Variants in C3orf20 observed in about 807,000 individuals in gnomAD.
C3orf20 encodes the protein uncharacterized protein C3orf20.
C3orf20 carries 76 observed loss-of-function variants against 88.3 expected under a neutral mutation model. That is an observed-to-expected ratio of 0.86 (90% CI 0.72 to 1.04). C3orf20 has a LOEUF of 1.04. C3orf20 is among the 50% of genes least tolerant of loss of function. The pLI, the probability that C3orf20 is intolerant of heterozygous loss-of-function variation, is 0.00. For missense variants in C3orf20, 1,056 were observed against 1,123.3 expected, an observed-to-expected ratio of 0.94 and a Z score of 0.86; for synonymous variants, 436 against 437.4, an observed-to-expected ratio of 1.00 and a Z score of 0.04.
In C3orf20 at chr3:14,691,557, C is replaced by T. The variant is rs150640289; in HGVS notation, c.745+1441C>T. Among the ~76,000 whole-genome samples the T allele has an allele frequency of 2.2e-3, 329 of 152,290 alleles. 2 individuals carry two copies. Among genetic ancestry groups the T allele is most frequent in the African/African-American group, 7.6e-3 (317 of 41,552 alleles). ...GGTTTCAGTTACCCATGGTCAACTG[C>T]GGTCCAAAAATATTAAGATATTTTG... On this transcript the variant is annotated intron_variant, in intron 5 of 16. Transcript: ENST00000253697.
chr3:14,749,778 G>A (rs1249658086), intron 12 of C3orf20, among the ~76,000 whole-genome samples: 5 of 149,106 alleles, frequency 3.4e-5, no homozygotes, highest in East Asian at 2.0e-4. Context: ...TGTGGTTACC[G>A]TGGTGATTAT....
chr3:14,705,487 T>A (rs576462067), intron 7 of C3orf20, among the ~76,000 whole-genome samples: 76 of 152,222 alleles, frequency 5.0e-4, no homozygotes, highest in Non-Finnish European at 9.3e-4. Context: ...TAATAGACCA[T>A]TTGTACTTCA....
At chr3:14,745,989 A>C (rs1314984276) in intron 12 of C3orf20, among the ~76,000 whole-genome samples, 1 of 152,202 alleles carries the variant, frequency 6.6e-6, no homozygotes, top group East Asian at 1.9e-4. Flanking sequence ...TTAAACAGTC[A>C]CTTCCCATTC....
chr3:14,720,537 GT>G (rs2034116454), intron 9 of C3orf20, among the ~76,000 whole-genome samples: 1 of 6,024 alleles, frequency 1.7e-4, no homozygotes, highest in Non-Finnish European at 4.1e-4. Context: ...GAGAGTGGTT[GT>G]TGTTGTTGTT....
intron 12 of C3orf20, among the ~76,000 whole-genome samples, chr3:14,735,874 C>T (rs1472823071): frequency 6.6e-6 from 1 of 152,126 alleles, no homozygotes; most frequent in Non-Finnish European, 1.5e-5. Context: ...GGATTACAGA[C>T]GTGAGCCACT....
intron 15 of C3orf20, 120 bp downstream of exon 15, chr3:14,761,735 GGA>G: frequency 2.9e-6 from 3 of 1,019,452 alleles, no homozygotes; most frequent in Admixed American, 2.1e-5. Flanking sequence ...GATGGAGTGG[GGA>G]GGGGGGCTGG....
chr3:14,737,476 A>G (rs2034754450), intron 12 of C3orf20, among the ~76,000 whole-genome samples: 2 of 152,260 alleles, frequency 1.3e-5, no homozygotes, highest in African/African-American at 4.8e-5. Flanking sequence ...ACTATAGTCT[A>G]TTAAGTGTGC....
Position 14,764,480 on chromosome 3 carries a change from TTTATTA to T in C3orf20, c.2495+2889_2495+2894del, listed in dbSNP as rs374160361. Among the ~76,000 whole-genome samples, 70 of 148,746 alleles carry T rather than the reference TTTATTA, an allele frequency of 4.7e-4. 1 individual carries two copies. The highest frequency in any genetic ancestry group is 3.5e-3 in the East Asian group (18 of 5,082). On this transcript the variant is annotated intron_variant, in intron 15 of 16. Coordinates refer to ENST00000253697, the MANE Select transcript of C3orf20 (RefSeq NM_032137.5). ...TTTGTAGGATAAAACAACACAATCG[TTTATTA>T]TTATTATTATTATTATTATTATTGT...
At chr3:14,683,423 C>T (rs964474724) in intron 3 of C3orf20, among the ~76,000 whole-genome samples, 15 of 152,032 alleles carry the variant, frequency 9.9e-5, no homozygotes, top group Admixed American at 1.3e-4. Context: ...TAGGAATGTG[C>T]GAGGTCAGAG....
intron 3 of C3orf20, among the ~76,000 whole-genome samples, chr3:14,683,890 A>AG (rs2032248324): frequency 6.6e-6 from 1 of 151,546 alleles, no homozygotes; most frequent in Non-Finnish European, 1.5e-5. Context: ...AAAAAAAAAA[A>AG]AAAAAGAACC....
intron 15 of C3orf20, among the ~76,000 whole-genome samples, chr3:14,766,444 C>T (rs2035704099): frequency 6.6e-6 from 1 of 152,204 alleles, no homozygotes; most frequent in Non-Finnish European, 1.5e-5. Flanking sequence ...AAGCAGCCAG[C>T]AGTAGCCAGG....
At chr3:14,679,696 G>A (rs889959367) in intron 1 of C3orf20, among the ~76,000 whole-genome samples, 1 of 152,138 alleles carries the variant, frequency 6.6e-6, no homozygotes, top group African/African-American at 2.4e-5. Context: ...CCTTCAAACA[G>A]ATTTCTCAGG....
chr3:14,690,016 C>T lies in C3orf20; in HGVS notation c.645C>T (p.Ser215=), dbSNP rs187372155. ...CTCCAGAGTCCCTCGCAAACATGTC[C>T]GCCATTGGGGTGAACTCGCCTTACC... The part of the protein sequence containing the change: ...QLWKESLANM[S]AIGVNSPYQL... Residue 215 remains serine, a synonymous_variant, in exon 5 of 17, where the codon TCC becomes TCT. Coordinates refer to ENST00000253697, the MANE Select transcript of C3orf20 (RefSeq NM_032137.5). The T allele has an allele frequency of 1.7e-3, 2,736 of 1,614,152 alleles. 41 individuals are homozygous for T. The highest frequency in any genetic ancestry group is 1.8e-3 in the Middle Eastern group (11 of 6,062).
In C3orf20 at chr3:14,718,232, C is replaced by T. The variant is rs2034011090; in HGVS notation, c.1434+2823C>T. On this transcript the variant is annotated intron_variant, in intron 9 of 16. Transcript: ENST00000253697. Reference sequence around the variant, plus strand: ...AGCTCTCTTATGTTGTTGTTATTCACATTATTTTTCTCTTTACTTTTGAGA... The same window carrying T: ...AGCTCTCTTATGTTGTTGTTATTCATATTATTTTTCTCTTTACTTTTGAGA... Among the ~76,000 whole-genome samples, 4 of 152,194 alleles carry T rather than the reference C, an allele frequency of 2.6e-5. No individual in the cohort carries two copies. The South Asian group carries it at 8.3e-4, about 32-fold the overall frequency.
intron 3 of C3orf20, 32 bp downstream of exon 3, chr3:14,683,229 C>G: frequency 6.5e-7 from 1 of 1,535,290 alleles, no homozygotes; most frequent in Non-Finnish European, 8.8e-7. Flanking sequence ...ATGTGCCCAC[C>G]ACACCCACTA....
intron 12 of C3orf20, among the ~76,000 whole-genome samples, chr3:14,749,177 A>G (rs1274779828): frequency 6.6e-6 from 1 of 152,138 alleles, no homozygotes; most frequent in Non-Finnish European, 1.5e-5. Flanking sequence ...TAGATAGAGT[A>G]ACTGTCTTCT....
At chr3:14,690,373 T>C (rs1559398663) in intron 5 of C3orf20, among the ~76,000 whole-genome samples, 1 of 152,196 alleles carries the variant, frequency 6.6e-6, no homozygotes, top group Non-Finnish European at 1.5e-5. Flanking sequence ...TTCCCAGCGA[T>C]GTGGCGTCCC....
At chr3:14,730,427 G>T (rs1233311199) in intron 12 of C3orf20, among the ~76,000 whole-genome samples, 1 of 151,888 alleles carries the variant, frequency 6.6e-6, no homozygotes, top group Non-Finnish European at 1.5e-5. Context: ...GGCGCCTGTG[G>T]TCCCAGCTAC....
Position 14,757,529 on chromosome 3 carries a change from TC to T in C3orf20, c.2101del (p.Leu701CysfsTer31). ...GTCTCTGACGTGGAGCTGGAGCGCT[TC>T]CTGTTGGCGCCCCGAGACCCCAGCC... ...PLVSDVELER[F>X]LLAPRDPSQV... On this transcript the variant is annotated frameshift_variant, in exon 13 of 17. Coordinates refer to ENST00000253697, the MANE Select transcript of C3orf20 (RefSeq NM_032137.5). LOFTEE classifies it high-confidence loss of function. The T allele has an allele frequency of 6.2e-7, 1 of 1,614,000 alleles. No homozygotes were observed. Among genetic ancestry groups the T allele is most frequent in the East Asian group, 2.2e-5 (1 of 44,860 alleles).
Sources: gnomAD v4.1 joint callset for allele counts (sites outside exome capture counted in the v4.1 genomes callset) on GRCh38, gnomAD v4.1.1 for gene constraint, MANE v1.5 for transcripts, NCBI Gene and HGNC (gene_info 2026-07-23, HGNC 2026-07-21) for gene names.